The following KHDRBS2 variants were observed in gnomAD, a reference collection of about 807,000 sequenced individuals.
KHDRBS2 encodes the protein KH RNA binding domain containing, signal transduction associated 2.
A neutral mutation model predicts 44.3 loss-of-function variants in KHDRBS2; 26 were observed. The observed-to-expected ratio is 0.59, with a 90% CI of 0.43 to 0.81. The LOEUF (loss-of-function observed/expected upper bound fraction) is 0.81. Ranked by LOEUF, KHDRBS2 falls within the 40% of genes least tolerant of loss-of-function variation. KHDRBS2 has a pLI of 0.00. For missense variants in KHDRBS2, 476 were observed against 433.1 expected, an observed-to-expected ratio of 1.10 and a Z score of -0.88; for synonymous variants, 194 against 151.1, an observed-to-expected ratio of 1.28 and a Z score of -2.08.
At chr6:61,816,423 G>C (rs1455069629) in intron 6 of KHDRBS2, among the ~76,000 whole-genome samples, 6 of 151,988 alleles carry the variant, frequency 3.9e-5, no homozygotes, top group African/African-American at 1.5e-4. Context: ...TGTGTAGACA[G>C]AGGAAGAAAC....
At chr6:62,279,881 G>C (rs1227557115) in intron 1 of KHDRBS2, among the ~76,000 whole-genome samples, 1 of 152,154 alleles carries the variant, frequency 6.6e-6, no homozygotes, top group Admixed American at 6.5e-5. Context: ...ATGGAGAAAA[G>C]CCTGTTTGGC....
intron 2 of KHDRBS2, among the ~76,000 whole-genome samples, chr6:62,071,828 T>C (rs1011673761): frequency 3.3e-5 from 5 of 152,146 alleles, no homozygotes; most frequent in Admixed American, 3.3e-4. Context: ...ATGCGGGCTC[T>C]TTTTTTGTTC....
chr6:61,795,144 C>CAAAAAAAA (rs1166333660), intron 6 of KHDRBS2, among the ~76,000 whole-genome samples: 7 of 59,668 alleles, frequency 1.2e-4, no homozygotes, highest in Non-Finnish European at 1.6e-4. Context: ...GACTCCGTCT[C>CAAAAAAAA]AAAAAAAAAA....
chr6:62,217,895 C>T (rs1392341456), intron 1 of KHDRBS2, among the ~76,000 whole-genome samples: 3 of 151,514 alleles, frequency 2.0e-5, no homozygotes, highest in East Asian at 1.9e-4. Flanking sequence ...CAAAACTGTC[C>T]AACTGGATAA....
At position 61,965,232 on chromosome 6, in the gene KHDRBS2, T is replaced by C. The variant is rs148719614; in HGVS notation, c.483+12834A>G. Among the ~76,000 whole-genome samples, 356 of 152,160 alleles carry C rather than the reference T, an allele frequency of 2.3e-3. 3 individuals are homozygous for C. Among genetic ancestry groups the C allele is most frequent in the African/African-American group, 8.0e-3 (334 of 41,544 alleles). On this transcript the variant is annotated intron_variant, in intron 4 of 8. Coordinates refer to ENST00000281156, the MANE Select transcript of KHDRBS2 (RefSeq NM_152688.4). ...CCAATTTCAGGGCACTTGAAACATC[T>C]GCTCCCCCTACTTACAAATCAATCA...
chr6:61,788,147 A>G (rs1193302037), intron 6 of KHDRBS2, among the ~76,000 whole-genome samples: 2 of 151,614 alleles, frequency 1.3e-5, no homozygotes, highest in African/African-American at 4.8e-5. Flanking sequence ...ATGTTGTTAC[A>G]AAATAAAATA....
intron 2 of KHDRBS2, among the ~76,000 whole-genome samples, chr6:62,124,121 G>A (rs754071972): frequency 3.9e-5 from 6 of 152,044 alleles, no homozygotes; most frequent in African/African-American, 7.2e-5. Context: ...TAAAGACATG[G>A]GGAATCTAAA....
chr6:61,964,236 A>C (rs1769399561), intron 4 of KHDRBS2, among the ~76,000 whole-genome samples: 1 of 152,076 alleles, frequency 6.6e-6, no homozygotes, highest in Non-Finnish European at 1.5e-5. Context: ...CCACACATAT[A>C]TATGTTGTAG....
chr6:62,241,324 T>C (rs1396343252), intron 1 of KHDRBS2, among the ~76,000 whole-genome samples: 1 of 152,192 alleles, frequency 6.6e-6, no homozygotes, highest in Non-Finnish European at 1.5e-5. Flanking sequence ...CACCAATAAC[T>C]GTCTTTTTAC....
chr6:61,565,583 A>C, the KHDRBS2 span, among the ~76,000 whole-genome samples: 27 of 152,274 alleles, frequency 1.8e-4, no homozygotes, highest in African/African-American at 6.0e-4. Flanking sequence ...ATCACTAATA[A>C]TCAGAGAAAT....
At chr6:61,733,487 CAAGAGG>C (rs1252213697) in intron 6 of KHDRBS2, among the ~76,000 whole-genome samples, 1 of 151,540 alleles carries the variant, frequency 6.6e-6, no homozygotes, top group African/African-American at 2.4e-5. Flanking sequence ...CCCAGCTGCT[CAAGAGG>C]CTGAGGCAGG....
At chr6:61,762,133 G>A (rs1303588407) in intron 6 of KHDRBS2, among the ~76,000 whole-genome samples, 3 of 152,118 alleles carry the variant, frequency 2.0e-5, no homozygotes, top group African/African-American at 7.2e-5. Flanking sequence ...CTTAGCATAA[G>A]TCAAGGACAC....
intron 6 of KHDRBS2, among the ~76,000 whole-genome samples, chr6:61,799,325 A>G (rs766562210): frequency 2.0e-5 from 3 of 151,900 alleles, no homozygotes; most frequent in Non-Finnish European, 1.5e-5. Flanking sequence ...ATGCATTCTT[A>G]TTACTAAGAA....
At chr6:62,200,454 A>T (rs532184945) in intron 1 of KHDRBS2, among the ~76,000 whole-genome samples, 5 of 152,378 alleles carry the variant, frequency 3.3e-5, no homozygotes, top group Admixed American at 1.3e-4. Context: ...TCAAAGGAAG[A>T]CATTTATGCA....
chr6:62,036,204 C>T (rs1478352022), intron 3 of KHDRBS2, among the ~76,000 whole-genome samples: 1 of 151,788 alleles, frequency 6.6e-6, no homozygotes, highest in Non-Finnish European at 1.5e-5. Context: ...ACAGGGTGCA[C>T]ATCATCTGTG....
chr6:62,079,305 T>C (rs1167940712), intron 2 of KHDRBS2, among the ~76,000 whole-genome samples: 7 of 152,068 alleles, frequency 4.6e-5, no homozygotes, highest in Non-Finnish European at 1.5e-5. Flanking sequence ...TTGTGAAATA[T>C]AACAGAGAAA....
chr6:61,634,667 A>G, the KHDRBS2 span, among the ~76,000 whole-genome samples: 1 of 152,086 alleles, frequency 6.6e-6, no homozygotes, highest in East Asian at 1.9e-4. Context: ...AGCAGTTTCA[A>G]ATATGTAAAA....
chr6:61,746,262 A>G (rs1776841766), intron 6 of KHDRBS2, among the ~76,000 whole-genome samples: 1 of 152,062 alleles, frequency 6.6e-6, no homozygotes, highest in Non-Finnish European at 1.5e-5. Context: ...TCTAAGGTTT[A>G]AGCCTCGCAT....
chr6:61,558,889 C>T, the KHDRBS2 span, among the ~76,000 whole-genome samples: 1 of 152,130 alleles, frequency 6.6e-6, no homozygotes, highest in Non-Finnish European at 1.5e-5. Flanking sequence ...AATATGTGTT[C>T]TGCAGCCATT....
Sources: gnomAD v4.1 joint callset for allele counts (sites outside exome capture counted in the v4.1 genomes callset) on GRCh38, gnomAD v4.1.1 for gene constraint, MANE v1.5 for transcripts, NCBI Gene and HGNC (gene_info 2026-07-23, HGNC 2026-07-21) for gene names.